Variants in RASA1 observed in about 807,000 individuals in gnomAD.
The protein encoded by RASA1 is RAS p21 protein activator 1, also known as ras GTPase-activating protein 1.
A neutral mutation model predicts 132.2 loss-of-function variants in RASA1; 25 were observed. The observed-to-expected ratio is 0.19, with a 90% CI of 0.14 to 0.26. The LOEUF is 0.26. Ranked by LOEUF, RASA1 falls within the 10% of genes least tolerant of loss-of-function variation. RASA1 has a pLI of 1.00. For missense variants in RASA1, 964 were observed against 1,299.2 expected (o/e 0.74, Z 3.97); for synonymous variants, 477 against 449.9 (o/e 1.06, Z -0.76).
chr5:87,287,007 T>C (rs1028554231), intron 1 of RASA1, among the ~76,000 whole-genome samples: 5 of 146,532 alleles, frequency 3.4e-5, no homozygotes, highest in Non-Finnish European at 7.6e-5. Flanking sequence ...ATATATACCA[T>C]ATATATACAC....
At chr5:87,376,651 G>T in intron 16 of RASA1, 86 bp downstream of exon 16, 2 of 1,472,228 alleles carry the variant, frequency 1.4e-6, no homozygotes, top group Non-Finnish European at 1.9e-6. Flanking sequence ...GGTAAACATA[G>T]TAATTCATAG....
chr5:87,297,576 A>G (rs1755177917), intron 1 of RASA1, among the ~76,000 whole-genome samples: 1 of 152,210 alleles, frequency 6.6e-6, no homozygotes, highest in Non-Finnish European at 1.5e-5. Context: ...TGAAAGGCTG[A>G]AGTGAACTGG....
chr5:87,380,881 A>T (rs1235959573), intron 20 of RASA1, among the ~76,000 whole-genome samples: 1 of 152,200 alleles, frequency 6.6e-6, no homozygotes, highest in Non-Finnish European at 1.5e-5. Context: ...TCTGTAGCTA[A>T]CTTCATATAG....
intron 23 of RASA1, among the ~76,000 whole-genome samples, chr5:87,388,739 T>G (rs759740615): frequency 1.5e-4 from 23 of 152,194 alleles, no homozygotes; most frequent in Non-Finnish European, 1.2e-4. Context: ...TCATTGCATT[T>G]TCATAGTGCA....
At chr5:87,272,025 G>A (rs557994451) in intron 1 of RASA1, among the ~76,000 whole-genome samples, 1 of 151,558 alleles carries the variant, frequency 6.6e-6, no homozygotes, top group African/African-American at 2.4e-5. Flanking sequence ...GTTGGCGGGC[G>A]CCTGTAATCC....
chr5:87,390,993 C>A lies in RASA1; in HGVS notation c.*110C>A. On this transcript the variant is annotated 3_prime_UTR_variant, in exon 25 of 25. Transcript: ENST00000274376. The stretch of plus-strand genomic sequence containing the variant: ...AAAAAATAGCACACTTTTCCACATT[C>A]CAGTGATGTGTGAGCTATGCAAACA... 1.8e-6 allele frequency: 2 copies of A among 1,087,070 alleles called. No homozygotes were observed. Among genetic ancestry groups the A allele is most frequent in the Non-Finnish European group, 1.4e-6 (1 of 714,202 alleles). The allele number at this position is 1,087,070 out of a possible 1,614,324, so 67.3% of individuals were successfully genotyped here. A position where few individuals can be genotyped will look rare whatever the true frequency, so the allele number is the denominator to read the frequency against.
Position 87,391,693 on chromosome 5 carries a change from T to C in RASA1, c.*810T>C, listed in dbSNP as rs1459894001. 4.3e-6 allele frequency: 1 copy of C among 232,928 alleles called. No individual in the cohort carries two copies. The highest frequency in any genetic ancestry group is 8.5e-6 in the Non-Finnish European group (1 of 117,740). 14.4% of individuals were successfully genotyped at this position (232,928 alleles called of 1,614,324 possible). On this transcript the variant is annotated 3_prime_UTR_variant, in exon 25 of 25. Coordinates refer to ENST00000274376, the MANE Select transcript of RASA1 (RefSeq NM_002890.3). ...GACTACCAATTTCTTTTATGTTAAC[T>C]AGAATGCTTTTGTTAAAAGTTATTT...
intron 6 of RASA1, among the ~76,000 whole-genome samples, chr5:87,346,026 C>T (rs756382937): frequency 2.6e-5 from 4 of 152,056 alleles, no homozygotes; most frequent in Non-Finnish European, 5.9e-5. Flanking sequence ...ATTGTATGCT[C>T]TATGTCTTGA....
At chr5:87,369,676 TCTG>T in intron 11 of RASA1, 134 bp from the exon 12 acceptor site, 1 of 633,552 alleles carries the variant, frequency 1.6e-6, no homozygotes, top group East Asian at 2.9e-5. Context: ...TTAGTAATGA[TCTG>T]GTACAATGGA....
intron 1 of RASA1, among the ~76,000 whole-genome samples, chr5:87,327,542 T>C (rs1472780954): frequency 1.3e-5 from 2 of 152,206 alleles, no homozygotes; most frequent in African/African-American, 4.8e-5. Flanking sequence ...GGAGGTTTCT[T>C]GGGTTTCTGT....
intron 20 of RASA1, 125 bp downstream of exon 20, chr5:87,380,720 TATTTTCTA>T (rs1378779592): frequency 3.3e-6 from 3 of 921,838 alleles, no homozygotes; most frequent in Admixed American, 3.8e-5. Flanking sequence ...CCCTGTTGCA[TATTTTCTA>T]AGTCCAGATG....
chr5:87,325,355 A>T (rs977692524), intron 1 of RASA1, among the ~76,000 whole-genome samples: 1 of 152,246 alleles, frequency 6.6e-6, no homozygotes, highest in Non-Finnish European at 1.5e-5. Flanking sequence ...CAGCCAAACC[A>T]TATCACAGAC....
intron 1 of RASA1, among the ~76,000 whole-genome samples, chr5:87,295,372 A>C (rs1371207388): frequency 2.0e-5 from 3 of 151,616 alleles, no homozygotes; most frequent in Admixed American, 6.6e-5. Flanking sequence ...CATATTTCTT[A>C]CGATTTTCTA....
rs958450977 is a variant in RASA1, at chr5:87,391,219, G to A, written c.*336G>A. 2.3e-6 allele frequency: 1 copy of A among 437,448 alleles called. No individual in the cohort carries two copies. The highest frequency in any genetic ancestry group is 4.2e-6 in the Non-Finnish European group (1 of 237,936). The allele number at this position is 437,448 out of a possible 1,614,324, so 27.1% of individuals were successfully genotyped here. A position where few individuals can be genotyped will look rare whatever the true frequency, so the allele number is the denominator to read the frequency against. ...AAATATATTTTCAGTACACCCAGTTGCCAAAGTTTTGCTGTCTCTTAGAGA... is the reference window on the plus strand; with the variant it reads ...AAATATATTTTCAGTACACCCAGTTACCAAAGTTTTGCTGTCTCTTAGAGA... On this transcript the variant is annotated 3_prime_UTR_variant, in exon 25 of 25. Transcript: ENST00000274376.
At chr5:87,350,219 T>TA (rs1164423422) in intron 8 of RASA1, among the ~76,000 whole-genome samples, 1 of 151,830 alleles carries the variant, frequency 6.6e-6, no homozygotes, top group Non-Finnish European at 1.5e-5. Flanking sequence ...AGTTGACTGT[T>TA]AAAAGACATC....
At chr5:87,335,419 GTTTTTTTTTTTTTT>G in intron 4 of RASA1, among the ~76,000 whole-genome samples, 1 of 72,924 alleles carries the variant, frequency 1.4e-5, no homozygotes, top group South Asian at 6.5e-4. Flanking sequence ...AAAGAATGAG[GTTTTTTTTTTTTTT>G]TTTTTTTTTT....
intron 5 of RASA1, among the ~76,000 whole-genome samples, chr5:87,338,536 A>ATATATATTTTTTTTTTTTTTTT: frequency 2.3e-5 from 2 of 85,214 alleles, no homozygotes; most frequent in African/African-American, 8.9e-5. Context: ...TATATATAAA[A>ATATATATTTTTTTTTTTTTTTT]TTTTTTTTTT....
Position 87,279,544 on chromosome 5 carries a change from A to T in RASA1, c.539+10554A>T, listed in dbSNP as rs568739733. On this transcript the variant is annotated intron_variant, in intron 1 of 24. Transcript: ENST00000274376. ...CCCGAGAGTACAATTACTGGATTGTATGATAGTTGCATGTTCACTTTTATA... is the reference window on the plus strand; with the variant it reads ...CCCGAGAGTACAATTACTGGATTGTTTGATAGTTGCATGTTCACTTTTATA... Among the ~76,000 whole-genome samples the T allele has an allele frequency of 9.2e-5, 14 of 152,312 alleles. No homozygotes were observed. The South Asian group carries it at 2.3e-3, about 25-fold the overall frequency.
intron 1 of RASA1, among the ~76,000 whole-genome samples, chr5:87,277,692 TA>T (rs1213327064): frequency 6.6e-6 from 1 of 152,168 alleles, no homozygotes; most frequent in Non-Finnish European, 1.5e-5. Context: ...TCTACATCTT[TA>T]AAAATGGATT....
Sources: allele counts gnomAD v4.1 joint callset (sites outside exome capture counted in the v4.1 genomes callset), GRCh38; gene constraint gnomAD v4.1.1; transcripts MANE v1.5; gene names NCBI Gene and HGNC (gene_info 2026-07-23, HGNC 2026-07-21).